SLC2A9: variants seen among roughly 807,000 people sequenced by gnomAD.
SLC2A9 encodes solute carrier family 2, facilitated glucose transporter member 9.
SLC2A9 carries 39 observed loss-of-function variants against 50.6 expected under a neutral mutation model. The ratio of observed to expected loss-of-function variants is 0.77; its 90% CI spans 0.60 to 1.01. The LOEUF (loss-of-function observed/expected upper bound fraction) is 1.01, where lower values mean the gene tolerates loss of function less well. Ranked by LOEUF, SLC2A9 falls within the 50% of genes least tolerant of loss-of-function variation. The pLI is 0.00. For missense variants in SLC2A9, 686 were observed against 677.6 expected, an observed-to-expected ratio of 1.01 and a Z score of -0.14; for synonymous variants, 324 against 276.9, an observed-to-expected ratio of 1.17 and a Z score of -1.69.
Position 10,027,564 on chromosome 4 carries a change from G to A in SLC2A9, c.-40-1558C>T, listed in dbSNP as rs374766089. ...TTCCTACAACCTCCCGGCATCTTCA[G>A]TGAGGTTGACCTCTCCTCTTGGTGG... On this transcript the variant is annotated intron_variant, in intron 1 of 12. Transcript: ENST00000309065. Among the ~76,000 whole-genome samples the A allele has an allele frequency of 1.2e-4, 19 of 152,164 alleles. No individual in the cohort carries two copies. In the South Asian group the frequency reaches 4.0e-3, roughly 32 times the overall value.
intron 1 of SLC2A9, among the ~76,000 whole-genome samples, chr4:10,039,870 G>T (rs1764226233): frequency 6.6e-6 from 1 of 152,178 alleles, no homozygotes. Flanking sequence ...CTTAAAGAAA[G>T]AAAGAAGAAA....
At chr4:9,938,508 T>C (rs977908320) in intron 6 of SLC2A9, among the ~76,000 whole-genome samples, 13 of 152,136 alleles carry the variant, frequency 8.5e-5, no homozygotes, top group African/African-American at 2.7e-4. Flanking sequence ...CCTGACCTCA[T>C]GATCTGCCCA....
chr4:9,773,741 CAG>C (rs139356205), intron 1 of SLC2A9, among the ~76,000 whole-genome samples: 16 of 152,272 alleles, frequency 1.1e-4, no homozygotes, highest in Non-Finnish European at 2.2e-4. Context: ...AAGTCAACGT[CAG>C]AGAGAGATCT....
At chr4:9,809,008 G>C (rs917420099) in intron 3 of SLC2A9, among the ~76,000 whole-genome samples, 1 of 152,118 alleles carries the variant, frequency 6.6e-6, no homozygotes, top group Non-Finnish European at 1.5e-5. Context: ...TGAGTCAATT[G>C]GCCTTTCTTG....
downstream of SLC2A9, among the ~76,000 whole-genome samples, chr4:9,778,951 A>G (rs761651781): frequency 2.0e-5 from 3 of 152,000 alleles, no homozygotes; most frequent in Non-Finnish European, 4.4e-5. Flanking sequence ...TATTTTTAGT[A>G]GAGACGGGGT....
At chr4:10,029,654 T>C (rs1208351108) in intron 1 of SLC2A9, among the ~76,000 whole-genome samples, 1 of 151,692 alleles carries the variant, frequency 6.6e-6, no homozygotes, top group Non-Finnish European at 1.5e-5. Context: ...TTTGGTCTTG[T>C]TGCCCAGGCT....
intron 7 of SLC2A9, among the ~76,000 whole-genome samples, chr4:9,910,092 C>T (rs1359879584): frequency 6.6e-6 from 1 of 152,196 alleles, no homozygotes; most frequent in Non-Finnish European, 1.5e-5. Context: ...TATGGGCATA[C>T]CAAGAGATGC....
intron 7 of SLC2A9, among the ~76,000 whole-genome samples, chr4:9,914,246 T>C (rs4697696): frequency 0.45 from 67,612 of 151,778 alleles, 15,540 homozygotes; most frequent in Admixed American, 0.51. Flanking sequence ...TGAGAGGAAA[T>C]GGGAGCACCA....
chr4:9,772,782 T>A (rs1375654657), intron 1 of SLC2A9, among the ~76,000 whole-genome samples: 1 of 152,150 alleles, frequency 6.6e-6, no homozygotes, highest in South Asian at 2.1e-4. Flanking sequence ...CCATGATATC[T>A]CTTCATAGTA....
intron 5 of SLC2A9, among the ~76,000 whole-genome samples, chr4:9,952,269 G>C (rs1454111915): frequency 6.6e-6 from 1 of 152,168 alleles, no homozygotes; most frequent in Non-Finnish European, 1.5e-5. Context: ...GGTGGGGCTT[G>C]GTGGAAGGTG....
chr4:9,797,081 C>T (rs1720681508), downstream of SLC2A9, among the ~76,000 whole-genome samples: 1 of 152,072 alleles, frequency 6.6e-6, no homozygotes. Context: ...TTCTTGAGTG[C>T]CTAATAGCTC....
intron 5 of SLC2A9, among the ~76,000 whole-genome samples, chr4:9,951,208 G>T (rs1040196302): frequency 6.6e-6 from 1 of 152,146 alleles, no homozygotes. Flanking sequence ...GAATTGGGGG[G>T]CATTAACTAA....
At chr4:9,819,507 G>A (rs895709068) in intron 3 of SLC2A9, among the ~76,000 whole-genome samples, 4 of 152,154 alleles carry the variant, frequency 2.6e-5, no homozygotes, top group African/African-American at 9.7e-5. Context: ...CAGCTTTTGA[G>A]TTGTTTTCTC....
intron 5 of SLC2A9, among the ~76,000 whole-genome samples, chr4:9,967,692 A>G (rs1001638456): frequency 6.6e-6 from 1 of 151,988 alleles, no homozygotes; most frequent in African/African-American, 2.4e-5. Context: ...AAAGAAAGTT[A>G]TGGGAATAAA....
chr4:9,890,455 T>A (rs1441795577), intron 9 of SLC2A9, among the ~76,000 whole-genome samples, 155 bp downstream of exon 9: 4 of 152,126 alleles, frequency 2.6e-5, no homozygotes, highest in Non-Finnish European at 5.9e-5. Flanking sequence ...ACTGAGACCC[T>A]CAGCAGCTCC....
At chr4:9,852,245 TTC>T (rs1730059404) in intron 10 of SLC2A9, among the ~76,000 whole-genome samples, 1 of 103,204 alleles carries the variant, frequency 9.7e-6, no homozygotes, top group Admixed American at 1.4e-4. Context: ...ATATCCAGTA[TTC>T]TTTTTTTTTT....
At chr4:9,977,765 A>G (rs540128113) in intron 5 of SLC2A9, among the ~76,000 whole-genome samples, 11 of 152,276 alleles carry the variant, frequency 7.2e-5, no homozygotes, top group African/African-American at 2.6e-4. Context: ...ACCAGAGGTC[A>G]GTGCCTATTT....
chr4:9,988,695 T>A (rs1560444493), intron 3 of SLC2A9, among the ~76,000 whole-genome samples: 1 of 152,172 alleles, frequency 6.6e-6, no homozygotes, highest in Non-Finnish European at 1.5e-5. Flanking sequence ...TTTTAGCTTC[T>A]CCAATAGTGT....
chr4:9,831,811 TCTCATGAGAGACTACATTGCACCTGC>T (rs1265844872), intron 11 of SLC2A9, among the ~76,000 whole-genome samples: 37 of 152,212 alleles, frequency 2.4e-4, no homozygotes, highest in Non-Finnish European at 3.7e-4. Flanking sequence ...TGAGTGAGCT[TCTCATGAGAGACTACATTGCACCTGC>T]CTACGGCCCC....
Sources: gnomAD v4.1 joint callset for allele counts (sites outside exome capture counted in the v4.1 genomes callset) on GRCh38, gnomAD v4.1.1 for gene constraint, MANE v1.5 for transcripts, NCBI Gene and HGNC (gene_info 2026-07-23, HGNC 2026-07-21) for gene names.